FRMD4B: variants seen among roughly 807,000 people sequenced by gnomAD.
FRMD4B encodes FERM domain containing 4B, also known as FERM domain-containing protein 4B.
A neutral mutation model predicts 141.5 loss-of-function variants in FRMD4B; 74 were observed. The observed-to-expected ratio is 0.52, with a 90% CI of 0.43 to 0.63. The LOEUF is 0.63. FRMD4B is among the 30% of genes least tolerant of loss of function. The pLI is 0.00. For synonymous variants in FRMD4B, 506 were observed against 467.9 expected (o/e 1.08, Z -1.05); for missense variants, 1,366 against 1,253.4 (o/e 1.09, Z -1.36).
At chr3:69,508,069 G>T (rs1289927065) in intron 1 of FRMD4B, among the ~76,000 whole-genome samples, 1 of 152,074 alleles carries the variant, frequency 6.6e-6, no homozygotes, top group Non-Finnish European at 1.5e-5. Context: ...CAATAGTTTT[G>T]CTTCCTCACT....
intron 1 of FRMD4B, among the ~76,000 whole-genome samples, chr3:69,506,602 C>G (rs1356209463): frequency 6.6e-6 from 1 of 151,806 alleles, no homozygotes; most frequent in African/African-American, 2.4e-5. Flanking sequence ...CTGGCAACAT[C>G]ATTGCTCACT....
At chr3:69,224,562 T>C (rs762053821) in intron 8 of FRMD4B, 45 bp downstream of exon 8, 12 of 848,838 alleles carry the variant, frequency 1.4e-5, no homozygotes, top group African/African-American at 3.3e-5. Context: ...TAGTTCTGAA[T>C]GGAGGCTATG....
chr3:69,396,245 G>A (rs1423494631), intron 2 of FRMD4B, among the ~76,000 whole-genome samples: 1 of 152,178 alleles, frequency 6.6e-6, no homozygotes, highest in Non-Finnish European at 1.5e-5. Context: ...GGTGGCTCAT[G>A]CCTGTAATCC....
chr3:69,366,260 AAAAAACAAAAAC>A (rs1199679568), intron 1 of FRMD4B, among the ~76,000 whole-genome samples: 4 of 135,786 alleles, frequency 2.9e-5, no homozygotes, highest in South Asian at 2.4e-4. Flanking sequence ...GCTCTGTCTC[AAAAAACAAAAAC>A]AAAAACAAAA....
intron 1 of FRMD4B, among the ~76,000 whole-genome samples, chr3:69,505,518 T>A (rs1566330): frequency 6.6e-6 from 1 of 152,106 alleles, no homozygotes; most frequent in Non-Finnish European, 1.5e-5. Flanking sequence ...AAGTGGCAGA[T>A]AGTCTCTTTA....
At position 69,472,381 on chromosome 3, in the gene FRMD4B, C is replaced by G. The variant is rs559814329; in HGVS notation, c.-128-39620G>C. 1.4e-5 allele frequency: 7 copies of G among 495,144 alleles called. No individual in the cohort carries two copies. The East Asian group carries it at 3.0e-4, about 21-fold the overall frequency. 30.7% of individuals were successfully genotyped at this position (495,144 alleles called of 1,614,324 possible). A position where few individuals can be genotyped will look rare whatever the true frequency, so the allele number is the denominator to read the frequency against. On this transcript the variant is annotated intron_variant, in intron 1 of 5. Transcript: ENST00000459638. ...ATCACATCTTCAACATCTCCACCCTCATTCTTAATATCTTGGAAGTGCCTC... is the reference window on the plus strand; with the variant it reads ...ATCACATCTTCAACATCTCCACCCTGATTCTTAATATCTTGGAAGTGCCTC...
At chr3:69,400,772 C>T (rs1704550242) in intron 2 of FRMD4B, among the ~76,000 whole-genome samples, 1 of 152,150 alleles carries the variant, frequency 6.6e-6, no homozygotes, top group Non-Finnish European at 1.5e-5. Flanking sequence ...ATATTTGGTC[C>T]TCCTAAGTGG....
chr3:69,336,100 T>A (rs1371391235), intron 1 of FRMD4B, among the ~76,000 whole-genome samples: 1 of 118,648 alleles, frequency 8.4e-6, no homozygotes, highest in Non-Finnish European at 1.9e-5. Context: ...AATTATAACT[T>A]CCCTTGGGGG....
chr3:69,526,505 C>T (rs72937464), intron 1 of FRMD4B, among the ~76,000 whole-genome samples: 6,505 of 152,216 alleles, frequency 0.043, 396 homozygotes, highest in African/African-American at 0.13. Flanking sequence ...CACACGGAGG[C>T]AACAGGCTGG....
intron 1 of FRMD4B, among the ~76,000 whole-genome samples, chr3:69,330,697 A>G (rs1294251848): frequency 6.6e-6 from 1 of 150,436 alleles, no homozygotes; most frequent in African/African-American, 2.5e-5. Context: ...GGGTCTCACT[A>G]TGTTGCCCAG....
intron 2 of FRMD4B, among the ~76,000 whole-genome samples, chr3:69,397,725 A>G (rs1032424008): frequency 2.0e-5 from 3 of 152,146 alleles, no homozygotes; most frequent in African/African-American, 7.2e-5. Flanking sequence ...TTAGGGAGAA[A>G]TGGGGAATGA....
At chr3:69,365,777 T>A (rs1316029927) in intron 1 of FRMD4B, among the ~76,000 whole-genome samples, 2 of 152,000 alleles carry the variant, frequency 1.3e-5, no homozygotes, top group Non-Finnish European at 2.9e-5. Context: ...GGATTACAGG[T>A]GTGAGCCACC....
rs1700741364 is a variant in FRMD4B at position 69,287,827 on chromosome 3, A to T, written c.426T>A (p.Ile142=). Residue 142 remains isoleucine, a synonymous_variant, in exon 5 of 23, where the codon ATT becomes ATA. Transcript: ENST00000398540. ...TILHFAVRFY[I]ESISFLKDKT... ...TATCCTTTAAAAACGATATGCTCTC[A>T]ATGTAAAACCTGAAAAACAGCAGAG... 2 of 1,555,814 alleles carry T rather than the reference A, an allele frequency of 1.3e-6. No individual in the cohort carries two copies. The highest frequency in any genetic ancestry group is 4.5e-5 in the East Asian group (2 of 44,516).
chr3:69,448,175 G>A (rs1489366327), intron 1 of FRMD4B, among the ~76,000 whole-genome samples: 2 of 151,928 alleles, frequency 1.3e-5, no homozygotes, highest in Non-Finnish European at 2.9e-5. Context: ...GATTACAGGC[G>A]TGTGCCACCA....
At chr3:69,373,655 T>G (rs1396251866) in intron 1 of FRMD4B, among the ~76,000 whole-genome samples, 3 of 152,044 alleles carry the variant, frequency 2.0e-5, no homozygotes, top group Admixed American at 1.3e-4. Context: ...GGAGGATTGC[T>G]TGAGGGCAGG....
chr3:69,180,955 A>T lies in FRMD4B; in HGVS notation c.2795T>A (p.Phe932Tyr), dbSNP rs777911678. 6.2e-7 allele frequency: 1 copy of T among 1,613,424 alleles called. No individual in the cohort carries two copies. The highest frequency in any genetic ancestry group is 1.1e-5 in the South Asian group (1 of 91,078). The change falls in exon 21 of 23, where the codon TTT becomes TAT. Residue 932 changes from phenylalanine to tyrosine, a missense_variant. Phe to Tyr is a conservative substitution (Grantham distance 22, BLOSUM62 3). Coordinates refer to ENST00000398540, the MANE Select transcript of FRMD4B (RefSeq NM_015123.3). ...SDRGSQRCLG[F>Y]AGLQVPCSPS... Reference sequence around the variant, plus strand: ...AGAACAAGGTACTTGCAGCCCCGCAAACCCCAGGCATCTCTGTGATCCCCT... The same window carrying T: ...AGAACAAGGTACTTGCAGCCCCGCATACCCCAGGCATCTCTGTGATCCCCT...
At chr3:69,222,467 C>CAAAAA (rs11293743) in intron 8 of FRMD4B, among the ~76,000 whole-genome samples, 1 of 94,996 alleles carries the variant, frequency 1.1e-5, no homozygotes, top group Non-Finnish European at 1.9e-5. Context: ...AAATCCATCT[C>CAAAAA]AAAAAAAAAA....
chr3:69,212,372 AAAAAAAAAG>A (rs1559721450), intron 11 of FRMD4B, among the ~76,000 whole-genome samples: 5 of 90,248 alleles, frequency 5.5e-5, no homozygotes, highest in East Asian at 6.0e-4. Flanking sequence ...AAAAAAAAAA[AAAAAAAAAG>A]AAAAAAAAAA....
intron 5 of FRMD4B, among the ~76,000 whole-genome samples, chr3:69,259,481 A>G (rs1455291314): frequency 6.6e-6 from 1 of 152,216 alleles, no homozygotes; most frequent in African/African-American, 2.4e-5. Context: ...ATTTGTCACA[A>G]AGCCTAGCAT....
Sources: allele counts gnomAD v4.1 joint callset (sites outside exome capture counted in the v4.1 genomes callset), GRCh38; gene constraint gnomAD v4.1.1; transcripts MANE v1.5; gene names NCBI Gene and HGNC (gene_info 2026-07-23, HGNC 2026-07-21).